The following TPST2 variants were observed in gnomAD, a reference collection of about 807,000 sequenced individuals.
TPST2 encodes tyrosylprotein sulfotransferase 2, also known as protein-tyrosine sulfotransferase 2.
TPST2 carries 16 observed loss-of-function variants against 27.8 expected under a neutral mutation model. That is an observed-to-expected ratio of 0.58 (90% CI 0.39 to 0.88). The LOEUF (loss-of-function observed/expected upper bound fraction) is 0.88, where lower values mean the gene tolerates loss of function less well. TPST2 is among the 40% of genes least tolerant of loss of function. The pLI is 0.00. For missense variants in TPST2, 464 were observed against 543.1 expected (o/e 0.85, Z 1.45); for synonymous variants, 229 against 231.7 (o/e 0.99, Z 0.10).
chr22:26,586,591 G>C (rs1469483252), intron 1 of TPST2, among the ~76,000 whole-genome samples: 1 of 152,142 alleles, frequency 6.6e-6, no homozygotes, highest in African/African-American at 2.4e-5. Context: ...ATTTTAAAAG[G>C]ACAAGGAAAG....
chr22:26,530,891 C>T (rs932778460), intron 5 of TPST2, among the ~76,000 whole-genome samples: 1 of 152,040 alleles, frequency 6.6e-6, no homozygotes, highest in Non-Finnish European at 1.5e-5. Flanking sequence ...TGCCTGTAAT[C>T]CCAGCTACTT....
At chr22:26,576,989 G>A (rs762384458) in intron 1 of TPST2, among the ~76,000 whole-genome samples, 34 of 151,578 alleles carry the variant, frequency 2.2e-4, no homozygotes, top group South Asian at 4.2e-4. Context: ...CCAGCTACTC[G>A]GGAGGCTGAA....
intron 4 of TPST2, among the ~76,000 whole-genome samples, chr22:26,533,415 G>A (rs1569177638): frequency 1.3e-5 from 2 of 152,022 alleles, no homozygotes; most frequent in Non-Finnish European, 1.5e-5. Context: ...GCGAGACCCT[G>A]TCTCTAAGAA....
chr22:26,555,269 G>C (rs1249520384), intron 1 of TPST2: 1 of 528,898 alleles, frequency 1.9e-6, no homozygotes, highest in Admixed American at 1.9e-5. Flanking sequence ...GCCACTGAAA[G>C]TAATACCAAA....
intron 1 of TPST2, among the ~76,000 whole-genome samples, chr22:26,566,658 A>G (rs1461890805): frequency 6.6e-6 from 1 of 152,172 alleles, no homozygotes; most frequent in Non-Finnish European, 1.5e-5. Context: ...AGGCTGAGGC[A>G]GAAGAATCAC....
chr22:26,529,332 G>A (rs1925021758), intron 5 of TPST2, among the ~76,000 whole-genome samples: 1 of 152,158 alleles, frequency 6.6e-6, no homozygotes, highest in Admixed American at 6.5e-5. Flanking sequence ...GTTTCACCAT[G>A]TTGGCCCGGC....
At chr22:26,533,241 C>T (rs989854233) in intron 4 of TPST2, among the ~76,000 whole-genome samples, 2 of 152,012 alleles carry the variant, frequency 1.3e-5, no homozygotes, top group African/African-American at 4.8e-5. Context: ...ACACTGAAAC[C>T]CCATTTCTAA....
At chr22:26,554,982 AC>A in intron 1 of TPST2, among the ~76,000 whole-genome samples, 1 of 152,348 alleles carries the variant, frequency 6.6e-6, no homozygotes. Flanking sequence ...GAGCTTTGTT[AC>A]TACCTGACTG....
At chr22:26,560,547 A>G (rs1403671393) in intron 1 of TPST2, 7 of 849,296 alleles carry the variant, frequency 8.2e-6, no homozygotes, top group Non-Finnish European at 1.0e-5. Flanking sequence ...AGATCCTAAG[A>G]AGCTGAGAGG....
chr22:26,562,478 AC>A (rs1927155142), intron 1 of TPST2, among the ~76,000 whole-genome samples: 1 of 152,068 alleles, frequency 6.6e-6, no homozygotes, highest in Admixed American at 6.5e-5. Flanking sequence ...CATTGGTACA[AC>A]CTCTATATTA....
At chr22:26,582,067 C>T in intron 1 of TPST2, among the ~76,000 whole-genome samples, 1 of 152,168 alleles carries the variant, frequency 6.6e-6, no homozygotes, top group East Asian at 1.9e-4. Flanking sequence ...AGACAAACAC[C>T]ATCAGAGGCC....
chr22:26,585,626 C>T (rs1354038671), intron 1 of TPST2, among the ~76,000 whole-genome samples: 2 of 152,130 alleles, frequency 1.3e-5, no homozygotes, highest in African/African-American at 2.4e-5. Context: ...CCTGGTGCCA[C>T]GTGGGGCATC....
chr22:26,580,832 G>A (rs529986279), intron 1 of TPST2, among the ~76,000 whole-genome samples: 12 of 152,184 alleles, frequency 7.9e-5, no homozygotes, highest in East Asian at 1.9e-4. Flanking sequence ...GGCTTTCTCC[G>A]GAAAGTCATC....
rs985608738 is a variant in TPST2, at chr22:26,568,864, C to CTTT, written c.-161+21186_-161+21188dup. 1.6e-3 allele frequency among the ~76,000 whole-genome samples: 191 copies of CTTT among 119,634 alleles called. 2 individuals carry two copies. Among genetic ancestry groups the CTTT allele is most frequent in the African/African-American group, 5.2e-3 (166 of 31,982 alleles). 78.5% of individuals were successfully genotyped at this position (119,634 alleles called of 152,430 possible). A position where few individuals can be genotyped will look rare whatever the true frequency, so the allele number is the denominator to read the frequency against. The stretch of plus-strand genomic sequence containing the variant: ...TCACTTTATGAACTCACCCTGAATT[C>CTTT]TTTTTTTTTTTTTTTTTTGAGACGG... On this transcript the variant is annotated intron_variant, in intron 1 of 6. Transcript: ENST00000338754.
At chr22:26,576,371 G>A (rs1927834950) in intron 1 of TPST2, among the ~76,000 whole-genome samples, 1 of 152,188 alleles carries the variant, frequency 6.6e-6, no homozygotes, top group African/African-American at 2.4e-5. Context: ...GGTCAGCACA[G>A]GAGATTGACA....
At chr22:26,578,339 C>T (rs1413384068) in intron 1 of TPST2, among the ~76,000 whole-genome samples, 1 of 152,116 alleles carries the variant, frequency 6.6e-6, no homozygotes, top group East Asian at 1.9e-4. Flanking sequence ...GGTTCTCTGA[C>T]CAGCAGGAAC....
intron 1 of TPST2, among the ~76,000 whole-genome samples, chr22:26,577,644 C>T (rs1349065067): frequency 1.4e-5 from 2 of 147,568 alleles, no homozygotes; most frequent in Non-Finnish European, 3.0e-5. Flanking sequence ...CCACTGCACC[C>T]GGCCATTTTT....
At chr22:26,557,138 T>A (rs1412071480) in intron 1 of TPST2, among the ~76,000 whole-genome samples, 1 of 152,252 alleles carries the variant, frequency 6.6e-6, no homozygotes, top group Non-Finnish European at 1.5e-5. Flanking sequence ...CATGTGACCT[T>A]GGCTACTAAG....
At chr22:26,564,472 C>T (rs553627960) in intron 1 of TPST2, among the ~76,000 whole-genome samples, 25 of 152,168 alleles carry the variant, frequency 1.6e-4, no homozygotes, top group Non-Finnish European at 3.4e-4. Context: ...CAGGTAACGC[C>T]GGAGGGCCGA....
Sources: allele counts gnomAD v4.1 joint callset (sites outside exome capture counted in the v4.1 genomes callset), GRCh38; gene constraint gnomAD v4.1.1; transcripts MANE v1.5; gene names NCBI Gene and HGNC (gene_info 2026-07-23, HGNC 2026-07-21).